SLC9A9: variants seen among roughly 807,000 people sequenced by gnomAD.
SLC9A9 encodes sodium/hydrogen exchanger 9.
A neutral mutation model predicts 77.8 loss-of-function variants in SLC9A9; 62 were observed. That is an observed-to-expected ratio of 0.80 (90% confidence interval 0.65 to 0.98). SLC9A9 has a LOEUF of 0.98. Among genes scored for constraint, SLC9A9 ranks in the 50% least tolerant of loss-of-function variants. SLC9A9 has a pLI of 0.00. For missense variants in SLC9A9, 775 were observed against 774.9 expected (o/e 1.00, Z 0.00); for synonymous variants, 320 against 283.5 (o/e 1.13, Z -1.29).
At chr3:143,353,782 G>A (rs998426486) in intron 14 of SLC9A9, among the ~76,000 whole-genome samples, 8 of 151,844 alleles carry the variant, frequency 5.3e-5, no homozygotes, top group Non-Finnish European at 1.2e-4. Flanking sequence ...TAGGGAAGAA[G>A]AATTAAAATT....
chr3:143,617,999 T>C (rs2038135455), intron 6 of SLC9A9, among the ~76,000 whole-genome samples: 1 of 152,180 alleles, frequency 6.6e-6, no homozygotes, highest in African/African-American at 2.4e-5. Context: ...AAGAGGCTTT[T>C]GAATAAGTCC....
chr3:143,417,951 G>A (rs770864753), intron 12 of SLC9A9, among the ~76,000 whole-genome samples: 2 of 151,706 alleles, frequency 1.3e-5, no homozygotes, highest in Non-Finnish European at 2.9e-5. Flanking sequence ...ACTTCTTGTG[G>A]TCTGCTGCCA....
chr3:143,556,650 C>T (rs2036988403), intron 8 of SLC9A9, among the ~76,000 whole-genome samples: 2 of 152,150 alleles, frequency 1.3e-5, no homozygotes, highest in African/African-American at 4.8e-5. Flanking sequence ...GTAAGTATTA[C>T]CTCTCTGTTA....
intron 4 of SLC9A9, among the ~76,000 whole-genome samples, chr3:143,718,814 T>C (rs1373282988): frequency 6.6e-6 from 1 of 152,210 alleles, no homozygotes; most frequent in Non-Finnish European, 1.5e-5. Context: ...GGCTTTGATT[T>C]CTGAGTTTCG....
In SLC9A9 at chr3:143,705,036, TATCTATATAG is replaced by T. The variant is rs1169131892; in HGVS notation, c.534-11739_534-11730del. Among the ~76,000 whole-genome samples, 8 of 31,438 alleles carry T rather than the reference TATCTATATAG, an allele frequency of 2.5e-4. No homozygotes were observed. The East Asian group carries it at 4.8e-3, about 19-fold the overall frequency. 20.6% of individuals were successfully genotyped at this position (31,438 alleles called of 152,430 possible). ...CTATCTATCTATCTATCTATCTATC[TATCTATATAG>T]ATATAGATATAGATATATAGATATA... On this transcript the variant is annotated intron_variant, in intron 4 of 15. Coordinates refer to ENST00000316549, the MANE Select transcript of SLC9A9 (RefSeq NM_173653.4).
chr3:143,792,081 T>A (rs2008242149), intron 4 of SLC9A9, among the ~76,000 whole-genome samples: 1 of 152,228 alleles, frequency 6.6e-6, no homozygotes, highest in Non-Finnish European at 1.5e-5. Context: ...CTCAGTTGTT[T>A]CATCTGTTAA....
chr3:143,773,469 A>C (rs112737693), intron 4 of SLC9A9, among the ~76,000 whole-genome samples: 1,568 of 151,842 alleles, frequency 0.01, 19 homozygotes, highest in African/African-American at 0.036. Flanking sequence ...ATGTTTATGT[A>C]ATCTAATTTT....
intron 12 of SLC9A9, among the ~76,000 whole-genome samples, chr3:143,386,882 C>A (rs1413753091): frequency 6.6e-6 from 1 of 152,052 alleles, no homozygotes; most frequent in Non-Finnish European, 1.5e-5. Context: ...ATTCTGTCAC[C>A]CAGGCTGGAG....
At chr3:143,366,069 T>A (rs753416844) in intron 13 of SLC9A9, among the ~76,000 whole-genome samples, 71 of 152,312 alleles carry the variant, frequency 4.7e-4, no homozygotes, top group Non-Finnish European at 7.6e-4. Context: ...GAGAGCAAAT[T>A]CCCAATTTTT....
intron 8 of SLC9A9, among the ~76,000 whole-genome samples, 192 bp downstream of exon 8, chr3:143,573,896 G>A (rs911081960): frequency 6.6e-6 from 1 of 152,124 alleles, no homozygotes; most frequent in Non-Finnish European, 1.5e-5. Flanking sequence ...AAGCTGTTTG[G>A]TACAAAATGG....
At chr3:143,429,593 C>T (rs1470732909) in intron 12 of SLC9A9, among the ~76,000 whole-genome samples, 1 of 152,242 alleles carries the variant, frequency 6.6e-6, no homozygotes, top group Admixed American at 6.5e-5. Flanking sequence ...CATGTCTCTG[C>T]TCTCAGCAAG....
At chr3:143,562,234 G>GTGA (rs2037099905) in intron 8 of SLC9A9, among the ~76,000 whole-genome samples, 1 of 152,192 alleles carries the variant, frequency 6.6e-6, no homozygotes, top group Non-Finnish European at 1.5e-5. Flanking sequence ...AGAATAGTGG[G>GTGA]TGATAACAAA....
At chr3:143,807,615 C>T (rs2008756465) in intron 2 of SLC9A9, among the ~76,000 whole-genome samples, 1 of 152,198 alleles carries the variant, frequency 6.6e-6, no homozygotes, top group Non-Finnish European at 1.5e-5. Flanking sequence ...CATGGTGGCT[C>T]ATGCCTGTAA....
chr3:143,438,238 T>G (rs2034662023), intron 12 of SLC9A9, among the ~76,000 whole-genome samples: 2 of 152,232 alleles, frequency 1.3e-5, no homozygotes, highest in African/African-American at 4.8e-5. Flanking sequence ...TAGTTGATTC[T>G]ATTGCCTGTC....
intron 12 of SLC9A9, among the ~76,000 whole-genome samples, chr3:143,461,144 C>A (rs965881171): frequency 2.6e-4 from 40 of 152,126 alleles, no homozygotes; most frequent in African/African-American, 9.4e-4. Context: ...CTAAAAAGTT[C>A]CCAAGCAAAG....
At chr3:143,587,879 A>G (rs902777647) in intron 6 of SLC9A9, among the ~76,000 whole-genome samples, 26 of 152,204 alleles carry the variant, frequency 1.7e-4, no homozygotes, top group African/African-American at 6.0e-4. Flanking sequence ...AGTGAAGAAA[A>G]AGATTGAGAG....
chr3:143,445,865 A>T (rs1442517735), intron 12 of SLC9A9, among the ~76,000 whole-genome samples: 2 of 152,300 alleles, frequency 1.3e-5, no homozygotes, highest in East Asian at 3.9e-4. Context: ...AATAAAATGC[A>T]AAGTGAAGCT....
intron 12 of SLC9A9, among the ~76,000 whole-genome samples, chr3:143,400,020 A>G (rs1176845076): frequency 6.6e-6 from 1 of 152,216 alleles, no homozygotes; most frequent in Non-Finnish European, 1.5e-5. Context: ...ATGATAAGGC[A>G]TACTATTACT....
intron 11 of SLC9A9, among the ~76,000 whole-genome samples, chr3:143,489,937 T>C (rs980913067): frequency 1.3e-5 from 2 of 151,982 alleles, no homozygotes; most frequent in African/African-American, 4.8e-5. Context: ...TCACTATTAA[T>C]GAAGGAAATG....
Sources: allele counts gnomAD v4.1 joint callset (sites outside exome capture counted in the v4.1 genomes callset), GRCh38; gene constraint gnomAD v4.1.1; transcripts MANE v1.5; gene names NCBI Gene and HGNC (gene_info 2026-07-23, HGNC 2026-07-21).